CDC73: variants seen among roughly 807,000 people sequenced by gnomAD.
The protein encoded by CDC73 is cell division cycle 73.
A neutral mutation model predicts 83.7 loss-of-function variants in CDC73; 21 were observed. The ratio of observed to expected loss-of-function variants is 0.25; its 90% CI spans 0.18 to 0.36. The LOEUF (loss-of-function observed/expected upper bound fraction) is 0.36. Among genes scored for constraint, CDC73 ranks in the 10% least tolerant of loss-of-function variants. The pLI is 1.00. For missense variants in CDC73, 342 were observed against 653.3 expected (o/e 0.52, Z 5.19); for synonymous variants, 224 against 212.9 (o/e 1.05, Z -0.45).
At chr1:193,199,867 GA>G (rs1677060046) in intron 10 of CDC73, among the ~76,000 whole-genome samples, 1 of 151,960 alleles carries the variant, frequency 6.6e-6, no homozygotes, top group Non-Finnish European at 1.5e-5. Flanking sequence ...AAACATATGT[GA>G]CTTTTGCCCT....
chr1:193,127,019 T>G (rs1454211678), intron 2 of CDC73, among the ~76,000 whole-genome samples: 1 of 151,868 alleles, frequency 6.6e-6, no homozygotes, highest in Non-Finnish European at 1.5e-5. Context: ...GTCCCAGCAC[T>G]TTGGGAGGCT....
rs748416450 is a variant in CDC73, at chr1:193,125,234, T to G, written c.237+17T>G. ...CGTGCAGCTGTAAGTAGAATTCATT[T>G]TACTTATCTATCTATTTATCAGTTT... On this transcript the variant is annotated intron_variant, in intron 2 of 16. Transcript: ENST00000367435. 7.5e-7 allele frequency: 1 copy of G among 1,333,506 alleles called. No individual in the cohort carries two copies. The highest frequency in any genetic ancestry group is 1.1e-6 in the Non-Finnish European group (1 of 924,888). The allele number at this position is 1,333,506 out of a possible 1,614,324, so 82.6% of individuals were successfully genotyped here. A position where few individuals can be genotyped will look rare whatever the true frequency, so the allele number is the denominator to read the frequency against.
Position 193,146,255 on chromosome 1 carries a change from A to G in CDC73, c.730-1612A>G, listed in dbSNP as rs138327986. Among the ~76,000 whole-genome samples the G allele has an allele frequency of 3.4e-3, 520 of 152,304 alleles. 2 individuals carry two copies. The highest frequency in any genetic ancestry group is 5.0e-3 in the Non-Finnish European group (342 of 68,022). On this transcript the variant is annotated intron_variant, in intron 7 of 16. Coordinates refer to ENST00000367435, the MANE Select transcript of CDC73 (RefSeq NM_024529.5). ...AAATGTTAAGTGATTGATAGGCAGC[A>G]TAAGAAGAGCCCCAAAGGAACTGTC...
chr1:193,166,512 T>A (rs1054862587), intron 10 of CDC73, among the ~76,000 whole-genome samples: 7 of 152,204 alleles, frequency 4.6e-5, no homozygotes, highest in Non-Finnish European at 8.8e-5. Context: ...ATGTAATGAT[T>A]TAAGTTGGGG....
intron 10 of CDC73, among the ~76,000 whole-genome samples, chr1:193,185,347 C>T (rs180933378): frequency 2.0e-5 from 3 of 152,122 alleles, no homozygotes; most frequent in Admixed American, 2.0e-4. Context: ...ACTATAATAA[C>T]ACGAGGCTCT....
chr1:193,219,729 T>G (rs1677433592), intron 13 of CDC73, among the ~76,000 whole-genome samples: 1 of 152,076 alleles, frequency 6.6e-6, no homozygotes, highest in South Asian at 2.1e-4. Flanking sequence ...CAGGGCCTAC[T>G]TGAGGGTGGA....
intron 10 of CDC73, among the ~76,000 whole-genome samples, chr1:193,189,763 T>C (rs1676886610): frequency 6.6e-6 from 1 of 152,228 alleles, no homozygotes; most frequent in Non-Finnish European, 1.5e-5. Context: ...GGTATAGGAA[T>C]AATTATTTTT....
intron 2 of CDC73, among the ~76,000 whole-genome samples, chr1:193,129,203 G>A (rs1377039798): frequency 6.6e-6 from 1 of 151,976 alleles, no homozygotes; most frequent in African/African-American, 2.4e-5. Flanking sequence ...TTACCATCTT[G>A]CTCAGGCTGG....
intron 10 of CDC73, among the ~76,000 whole-genome samples, chr1:193,157,220 A>G (rs1676222929): frequency 6.6e-6 from 1 of 152,134 alleles, no homozygotes; most frequent in African/African-American, 2.4e-5. Flanking sequence ...TGGTTATTGT[A>G]TATATTTTAA....
chr1:193,181,426 T>C (rs773487626), intron 10 of CDC73: 13 of 1,614,050 alleles, frequency 8.1e-6, no homozygotes, highest in Non-Finnish European at 1.1e-5. Flanking sequence ...CAGCCAGTCA[T>C]GATGATTGAA....
chr1:193,163,513 A>C (rs749772954), intron 10 of CDC73, among the ~76,000 whole-genome samples: 25 of 151,848 alleles, frequency 1.6e-4, no homozygotes, highest in South Asian at 4.2e-4. Flanking sequence ...CCCGCCCCCC[A>C]AAAAAAGAAG....
chr1:193,203,941 T>A (rs368611809), intron 11 of CDC73, 89 bp downstream of exon 11: 2 of 1,054,892 alleles, frequency 1.9e-6, no homozygotes, highest in Non-Finnish European at 1.5e-6. Context: ...TTGAACAAAC[T>A]TAAATTTTAC....
chr1:193,193,779 TAGTGTG>T lies in CDC73; in HGVS notation c.973-10015_973-10010del, dbSNP rs1298608298. ...CAGAACATTTCAGCTGTCTTACTTG[TAGTGTG>T]TGTGTGTGTGTGTGTGTGTGTGTGT... On this transcript the variant is annotated intron_variant, in intron 10 of 16. Coordinates refer to ENST00000367435, the MANE Select transcript of CDC73 (RefSeq NM_024529.5). Among the ~76,000 whole-genome samples the T allele has an allele frequency of 2.8e-4, 29 of 105,126 alleles. 1 individual carries two copies. The South Asian group carries it at 9.5e-3, about 34-fold the overall frequency. The allele number at this position is 105,126 out of a possible 152,430, so 69.0% of individuals were successfully genotyped here.
chr1:193,152,701 G>C (rs1676135710), intron 10 of CDC73, among the ~76,000 whole-genome samples: 1 of 152,118 alleles, frequency 6.6e-6, no homozygotes, highest in South Asian at 2.1e-4. Context: ...ATGCCACCTG[G>C]TCAGTATTTA....
At chr1:193,135,627 G>A (rs1246223760) in intron 5 of CDC73, 38 bp downstream of exon 5, 4 of 1,480,104 alleles carry the variant, frequency 2.7e-6, no homozygotes, top group South Asian at 2.4e-5. Context: ...TATTTATATT[G>A]TTATTGAAAT....
chr1:193,167,420 G>A (rs749020021), intron 10 of CDC73, among the ~76,000 whole-genome samples: 9 of 151,944 alleles, frequency 5.9e-5, no homozygotes, highest in Non-Finnish European at 1.2e-4. Context: ...GTTAACAAGC[G>A]CCAAAGAAAA....
chr1:193,240,949 G>C (rs899926735), intron 15 of CDC73, among the ~76,000 whole-genome samples: 18 of 152,032 alleles, frequency 1.2e-4, no homozygotes, highest in African/African-American at 4.3e-4. Flanking sequence ...GTGTTCTCTT[G>C]TATTCCACTC....
chr1:193,180,877 A>G (rs199956127), intron 10 of CDC73: 2 of 1,613,918 alleles, frequency 1.2e-6, no homozygotes, highest in Non-Finnish European at 8.5e-7. Context: ...TAGTGTTTTA[A>G]TGGTCAAATT....
chr1:193,129,487 AATTTATTTATTTATTT>A (rs67384798), intron 2 of CDC73, among the ~76,000 whole-genome samples: 14 of 142,790 alleles, frequency 9.8e-5, no homozygotes, highest in Non-Finnish European at 2.1e-4. Flanking sequence ...TTCAAAAAGA[AATTTATTTATTTATTT>A]ATTTATTTAT....
Sources: allele counts gnomAD v4.1 joint callset (sites outside exome capture counted in the v4.1 genomes callset), GRCh38; gene constraint gnomAD v4.1.1; transcripts MANE v1.5; gene names NCBI Gene and HGNC (gene_info 2026-07-23, HGNC 2026-07-21).